MYO1E: variants seen among roughly 807,000 people sequenced by gnomAD.
MYO1E encodes the protein myosin IE, also known as unconventional myosin-Ie.
MYO1E carries 68 observed loss-of-function variants against 151.1 expected under a neutral mutation model. The ratio of observed to expected loss-of-function variants is 0.45; its 90% CI spans 0.37 to 0.55. The LOEUF (loss-of-function observed/expected upper bound fraction) is 0.55, where lower values mean the gene tolerates loss of function less well. MYO1E is among the 20% of genes least tolerant of loss of function. The pLI is 0.00. For synonymous variants in MYO1E, 601 were observed against 501.7 expected (o/e 1.20, Z -2.64); for missense variants, 1,363 against 1,389.3 (o/e 0.98, Z 0.30).
chr15:59,138,052 A>C, intron 27 of MYO1E, 146 bp downstream of exon 27: 1 of 951,250 alleles, frequency 1.1e-6, no homozygotes, highest in Admixed American at 1.7e-5. Flanking sequence ...TGGTGTCTTG[A>C]TCAGACTGAG....
chr15:59,324,384 G>T (rs1044500127), intron 1 of MYO1E, among the ~76,000 whole-genome samples: 1 of 152,210 alleles, frequency 6.6e-6, no homozygotes, highest in Non-Finnish European at 1.5e-5. Context: ...AGCAACACAA[G>T]TCTGTGGAGA....
chr15:59,258,040 A>G (rs182618344), intron 3 of MYO1E, among the ~76,000 whole-genome samples: 39 of 152,308 alleles, frequency 2.6e-4, no homozygotes, highest in Admixed American at 2.0e-3. Context: ...CAGAAAAAGG[A>G]AAGTGATATA....
At chr15:59,183,514 T>C (rs12908949) in intron 18 of MYO1E, among the ~76,000 whole-genome samples, 3 of 151,976 alleles carry the variant, frequency 2.0e-5, no homozygotes, top group East Asian at 1.9e-4. Context: ...AAGTTTTTTT[T>C]GGGGGGTGGA....
At chr15:59,189,812 G>A (rs1490715080) in intron 17 of MYO1E, among the ~76,000 whole-genome samples, 10 of 152,184 alleles carry the variant, frequency 6.6e-5, no homozygotes, top group Non-Finnish European at 1.5e-4. Context: ...CCTGGCCTCA[G>A]GTGATCCACC....
intron 5 of MYO1E, 28 bp downstream of exon 5, chr15:59,236,557 G>A (rs2080067685): frequency 6.4e-7 from 1 of 1,551,814 alleles, no homozygotes; most frequent in African/African-American, 1.4e-5. Context: ...ATAACATAAG[G>A]TATCATAATG....
chr15:59,295,248 G>A (rs2080441913), intron 1 of MYO1E, among the ~76,000 whole-genome samples: 1 of 151,980 alleles, frequency 6.6e-6, no homozygotes, highest in African/African-American at 2.4e-5. Flanking sequence ...AATTGGGAGA[G>A]AGGAGGAAAA....
intron 1 of MYO1E, among the ~76,000 whole-genome samples, chr15:59,322,328 T>C (rs1434216278): frequency 6.6e-6 from 1 of 152,190 alleles, no homozygotes; most frequent in East Asian, 1.9e-4. Flanking sequence ...AAGTAAAAGA[T>C]AATGTGTTTT....
intron 18 of MYO1E, among the ~76,000 whole-genome samples, chr15:59,181,770 T>C (rs8041615): frequency 0.3 from 44,905 of 152,134 alleles, 7,293 homozygotes; most frequent in East Asian, 0.6. Flanking sequence ...ATAGGGAGGG[T>C]GTATAATACA....
intron 22 of MYO1E, among the ~76,000 whole-genome samples, chr15:59,163,974 A>G (rs2079551324): frequency 6.6e-6 from 1 of 152,216 alleles, no homozygotes; most frequent in African/African-American, 2.4e-5. Flanking sequence ...CAAGGAAAGA[A>G]CACACCTTTG....
chr15:59,328,187 T>G (rs1381015727), intron 1 of MYO1E, among the ~76,000 whole-genome samples: 1 of 152,206 alleles, frequency 6.6e-6, no homozygotes, highest in Non-Finnish European at 1.5e-5. Context: ...CAAACGGGCT[T>G]GCAAAATGTG....
rs563326381 is a variant in MYO1E, at chr15:59,350,367, G to C, written c.3+22131C>G. Among the ~76,000 whole-genome samples, 2 of 152,190 alleles carry C rather than the reference G, an allele frequency of 1.3e-5. No individual in the cohort carries two copies. The highest frequency in any genetic ancestry group is 4.8e-5 in the African/African-American group (2 of 41,442). On this transcript the variant is annotated intron_variant, in intron 1 of 27. Coordinates refer to ENST00000288235, the MANE Select transcript of MYO1E (RefSeq NM_004998.4). The surrounding 1 kb of genome is among the most constrained non-coding windows in gnomAD (Gnocchi z 5.0). Reference sequence around the variant, plus strand: ...CCTTCTATTCACCATGACTGTAGTCGTAGACACTCAGAAATGGGAGTTCCA... The same window carrying C: ...CCTTCTATTCACCATGACTGTAGTCCTAGACACTCAGAAATGGGAGTTCCA...
intron 6 of MYO1E, among the ~76,000 whole-genome samples, chr15:59,229,948 C>A (rs1332819088): frequency 6.6e-6 from 1 of 151,188 alleles, no homozygotes; most frequent in African/African-American, 2.4e-5. Flanking sequence ...TTATGAATAT[C>A]TTTTAAAATA....
chr15:59,222,915 C>T (rs2079965006), intron 9 of MYO1E, 144 bp downstream of exon 9: 2 of 1,279,622 alleles, frequency 1.6e-6, no homozygotes, highest in Admixed American at 3.7e-5. Context: ...CTCGTGAAGC[C>T]ATTCTGTTTG....
intron 24 of MYO1E, among the ~76,000 whole-genome samples, chr15:59,160,461 C>T (rs1272884867): frequency 6.6e-6 from 1 of 150,796 alleles, no homozygotes; most frequent in Non-Finnish European, 1.5e-5. Flanking sequence ...GGTGCAGTGG[C>T]ACCCCAGTAA....
chr15:59,241,687 G>A (rs1465136552), intron 4 of MYO1E, among the ~76,000 whole-genome samples: 3 of 151,888 alleles, frequency 2.0e-5, no homozygotes, highest in Non-Finnish European at 4.4e-5. Context: ...CTCGGTGACA[G>A]AGCAAGACTC....
At position 59,350,743 on chromosome 15, in the gene MYO1E, C is replaced by T. The variant is rs1326665892; in HGVS notation, c.3+21755G>A. On this transcript the variant is annotated intron_variant, in intron 1 of 27. Coordinates refer to ENST00000288235, the MANE Select transcript of MYO1E (RefSeq NM_004998.4). This position sits in a 1 kb window ranked among gnomAD's most constrained non-coding sequence, Gnocchi z 5.0. Reference sequence around the variant, plus strand: ...TAAGAGACTGTGTGAAAACAGATAACAATGCAAGATGACATAGTTTAGTCA... The same window carrying T: ...TAAGAGACTGTGTGAAAACAGATAATAATGCAAGATGACATAGTTTAGTCA... Among the ~76,000 whole-genome samples the T allele has an allele frequency of 6.6e-6, 1 of 152,172 alleles. No homozygotes were observed. The highest frequency in any genetic ancestry group is 1.5e-5 in the Non-Finnish European group (1 of 68,022).
At chr15:59,338,875 T>C (rs571100499) in intron 1 of MYO1E, among the ~76,000 whole-genome samples, 5 of 152,334 alleles carry the variant, frequency 3.3e-5, no homozygotes, top group African/African-American at 9.6e-5. Context: ...CTCATGCCTG[T>C]AATCCCAGCA....
chr15:59,320,607 TG>T (rs2080619780), intron 1 of MYO1E, among the ~76,000 whole-genome samples: 1 of 152,242 alleles, frequency 6.6e-6, no homozygotes, highest in South Asian at 2.1e-4. Flanking sequence ...ATTCAATAAA[TG>T]GTGCTAGGGT....
chr15:59,372,427 G>A (rs1202719335), intron 1 of MYO1E, 71 bp downstream of exon 1: 3 of 1,530,392 alleles, frequency 2.0e-6, no homozygotes, highest in Admixed American at 2.0e-5. Context: ...GCCCAAGGTG[G>A]GTGCACCACG....
Sources: allele counts gnomAD v4.1 joint callset (sites outside exome capture counted in the v4.1 genomes callset), GRCh38; gene constraint gnomAD v4.1.1; non-coding constraint Gnocchi (gnomAD v3.1); transcripts MANE v1.5; gene names NCBI Gene and HGNC (gene_info 2026-07-23, HGNC 2026-07-21).